The following CREB5 variants were observed in gnomAD, a reference collection of about 807,000 sequenced individuals.
CREB5 encodes the protein cAMP responsive element binding protein 5.
Under a neutral mutation model 57.1 loss-of-function variants are expected in CREB5, and 19 were observed. The ratio of observed to expected loss-of-function variants is 0.33; its 90% CI spans 0.23 to 0.49. The LOEUF is 0.49. Among genes scored for constraint, CREB5 ranks in the 20% least tolerant of loss-of-function variants. The pLI, the probability that CREB5 is intolerant of heterozygous loss-of-function variation, is 0.99. For synonymous variants in CREB5, 238 were observed against 238.3 expected (o/e 1.00, Z 0.01); for missense variants, 579 against 671.6 (o/e 0.86, Z 1.52).
intron 1 of CREB5, among the ~76,000 whole-genome samples, chr7:28,457,155 A>G (rs939032030): frequency 1.3e-5 from 2 of 152,182 alleles, no homozygotes; most frequent in Non-Finnish European, 2.9e-5. Flanking sequence ...ACTTCTTGTG[A>G]TAATACCATT....
intron 4 of CREB5, among the ~76,000 whole-genome samples, chr7:28,518,087 C>A (rs961072671): frequency 3.9e-5 from 6 of 152,100 alleles, no homozygotes; most frequent in African/African-American, 1.4e-4. Flanking sequence ...GCTTCCCAGT[C>A]CTCTCTGTAA....
chr7:28,431,910 A>G (rs1788727761), intron 1 of CREB5, among the ~76,000 whole-genome samples: 1 of 150,838 alleles, frequency 6.6e-6, no homozygotes. Flanking sequence ...GTGAGCAGAT[A>G]GCTGTTTAGA....
At chr7:28,761,195 C>G (rs1307182063) in intron 7 of CREB5, among the ~76,000 whole-genome samples, 1 of 152,018 alleles carries the variant, frequency 6.6e-6, no homozygotes, top group Admixed American at 6.6e-5. Context: ...GAGCATATGC[C>G]CAATGATCCC....
chr7:28,478,852 A>G (rs1185795834), intron 1 of CREB5, among the ~76,000 whole-genome samples: 4 of 152,220 alleles, frequency 2.6e-5, no homozygotes, highest in Non-Finnish European at 5.9e-5. Flanking sequence ...TCTCTCCTCT[A>G]TGGACTGAAC....
intron 1 of CREB5, among the ~76,000 whole-genome samples, chr7:28,330,352 CTTAA>C (rs1182311680): frequency 1.4e-5 from 2 of 144,102 alleles, no homozygotes; most frequent in Admixed American, 7.0e-5. Context: ...GTAAATATGA[CTTAA>C]TTGTTTAAAA....
chr7:28,570,612 T>C, intron 5 of CREB5, 75 bp downstream of exon 5: 1 of 1,528,216 alleles, frequency 6.5e-7, no homozygotes, highest in Non-Finnish European at 8.9e-7. Flanking sequence ...TCCTGGTTTC[T>C]GGTGCTCAGA....
At chr7:28,741,190 T>G (rs1401645479) in intron 7 of CREB5, among the ~76,000 whole-genome samples, 1 of 152,122 alleles carries the variant, frequency 6.6e-6, no homozygotes, top group Non-Finnish European at 1.5e-5. Context: ...TGGGTGGTGT[T>G]CCCAAAGTGT....
intron 4 of CREB5, among the ~76,000 whole-genome samples, chr7:28,515,750 C>T (rs1391379916): frequency 6.6e-6 from 1 of 152,092 alleles, no homozygotes; most frequent in Non-Finnish European, 1.5e-5. Context: ...ACCATTCTTA[C>T]TTCGTACTGG....
chr7:28,702,064 T>C (rs1469301986), intron 5 of CREB5, among the ~76,000 whole-genome samples: 1 of 152,176 alleles, frequency 6.6e-6, no homozygotes, highest in Non-Finnish European at 1.5e-5. Flanking sequence ...TTTGAAATCA[T>C]TGATTTTGTT....
intron 5 of CREB5, among the ~76,000 whole-genome samples, chr7:28,616,374 C>T (rs1454992935): frequency 6.6e-6 from 1 of 152,162 alleles, no homozygotes; most frequent in African/African-American, 2.4e-5. Flanking sequence ...ATGAAGAGAA[C>T]CTTCTCCTCA....
At chr7:28,390,644 C>CT (rs1490617539) in intron 1 of CREB5, among the ~76,000 whole-genome samples, 4 of 152,106 alleles carry the variant, frequency 2.6e-5, no homozygotes, top group Admixed American at 2.0e-4. Context: ...TTCTGTATTT[C>CT]TTTTTTACCA....
intron 5 of CREB5, among the ~76,000 whole-genome samples, chr7:28,717,314 A>G (rs577620962): frequency 6.6e-6 from 1 of 152,092 alleles, no homozygotes; most frequent in South Asian, 2.1e-4. Context: ...TCATATATAC[A>G]CCTATCTAAA....
chr7:28,348,809 C>T (rs987097273), intron 1 of CREB5, among the ~76,000 whole-genome samples: 1 of 152,220 alleles, frequency 6.6e-6, no homozygotes, highest in Non-Finnish European at 1.5e-5. Flanking sequence ...GCATAGAACA[C>T]TCCCCAGCCA....
chr7:28,732,641 G>A (rs780924512), intron 7 of CREB5, among the ~76,000 whole-genome samples: 3 of 151,736 alleles, frequency 2.0e-5, no homozygotes, highest in African/African-American at 4.8e-5. Context: ...AATGTTTGTA[G>A]CTTACACTTC....
intron 1 of CREB5, among the ~76,000 whole-genome samples, chr7:28,347,942 G>A (rs141500575): frequency 5.1e-4 from 77 of 152,220 alleles, no homozygotes; most frequent in African/African-American, 1.8e-3. Flanking sequence ...TGTCCTTGAG[G>A]GATTGTTGTG....
chr7:28,592,982 C>G (rs1280444702), intron 5 of CREB5, among the ~76,000 whole-genome samples: 1 of 152,210 alleles, frequency 6.6e-6, no homozygotes, highest in African/African-American at 2.4e-5. Flanking sequence ...GACCAGCATT[C>G]AAACCCAAGT....
intron 1 of CREB5, among the ~76,000 whole-genome samples, chr7:28,341,184 C>T (rs972890228): frequency 2.0e-5 from 3 of 152,036 alleles, no homozygotes; most frequent in Admixed American, 2.0e-4. Flanking sequence ...TTGGTGGAGG[C>T]TTCTATTCAG....
intron 5 of CREB5, among the ~76,000 whole-genome samples, chr7:28,656,876 C>A (rs1227382410): frequency 6.6e-6 from 1 of 151,746 alleles, no homozygotes; most frequent in Non-Finnish European, 1.5e-5. Flanking sequence ...TTTTGAGGAT[C>A]AGTTGTGACC....
intron 4 of CREB5, among the ~76,000 whole-genome samples, chr7:28,519,198 T>A (rs1436663812): frequency 6.6e-6 from 1 of 152,206 alleles, no homozygotes; most frequent in Admixed American, 6.5e-5. Context: ...AAGGAAATAA[T>A]TCCTTGATCC....
Sources: allele counts gnomAD v4.1 joint callset (sites outside exome capture counted in the v4.1 genomes callset), GRCh38; gene constraint gnomAD v4.1.1; transcripts MANE v1.5; gene names NCBI Gene and HGNC (gene_info 2026-07-23, HGNC 2026-07-21).